Variants in BORCS5 observed in about 807,000 individuals in gnomAD.
BORCS5 encodes BLOC-1 related complex subunit 5, also known as BLOC-1-related complex subunit 5.
In BORCS5, 17 loss-of-function variants were observed where a neutral mutation model predicts 22.1. The ratio of observed to expected loss-of-function variants is 0.77; its 90% CI spans 0.53 to 1.15. The LOEUF is 1.15. Ranked by LOEUF, BORCS5 falls within the 50% of genes most tolerant of loss-of-function variation. The probability of loss-of-function intolerance (pLI) is 0.00; values close to 1 mark genes in which losing one functional copy is unlikely to be tolerated. For missense variants in BORCS5, 247 were observed against 253.2 expected, an observed-to-expected ratio of 0.98 and a Z score of 0.17; for synonymous variants, 117 against 99.8, an observed-to-expected ratio of 1.17 and a Z score of -1.03.
At chr12:12,425,894 A>G (rs971220448) in intron 2 of BORCS5, among the ~76,000 whole-genome samples, 1 of 152,196 alleles carries the variant, frequency 6.6e-6, no homozygotes, top group South Asian at 2.1e-4. Context: ...TTAATTGACT[A>G]CTACAGTTGG....
rs1383911980 is a variant in BORCS5, at chr12:12,402,014, C to T, written c.203-33614C>T. On this transcript the variant is annotated intron_variant, in intron 2 of 3. Coordinates refer to ENST00000314565, the MANE Select transcript of BORCS5 (RefSeq NM_058169.6). ...CCGGGAGGCGGAGCTTGCAGTGAGC[C>T]AAGATGGCGCCACTGCACTTCAGCC... 1.0e-4 allele frequency among the ~76,000 whole-genome samples: 15 copies of T among 143,396 alleles called. No individual in the cohort carries two copies. The East Asian group carries it at 2.9e-3, about 27-fold the overall frequency. The allele number at this position is 143,396 out of a possible 152,430, so 94.1% of individuals were successfully genotyped here. A position where few individuals can be genotyped will look rare whatever the true frequency, so the allele number is the denominator to read the frequency against.
chr12:12,412,153 A>G (rs1367874765), intron 2 of BORCS5, among the ~76,000 whole-genome samples: 1 of 152,186 alleles, frequency 6.6e-6, no homozygotes, highest in East Asian at 1.9e-4. Flanking sequence ...CTATTTCTGA[A>G]AAAAAGTCAC....
At chr12:12,413,609 C>A (rs1014800318) in intron 2 of BORCS5, among the ~76,000 whole-genome samples, 73 of 139,376 alleles carry the variant, frequency 5.2e-4, no homozygotes, top group African/African-American at 1.9e-3. Context: ...ACCTCCCAGA[C>A]GGGTCGTGGC....
rs375524972 is a variant in BORCS5 at position 12,387,589 on chromosome 12, G to A, written c.202+26240G>A. On this transcript the variant is annotated intron_variant, in intron 2 of 3. Transcript: ENST00000314565. ...TGTTAGAGCATGACCCCCAGAATTG[G>A]CATAGTGTTCCAGGTGTGGATTGGA... is the stretch of plus-strand genomic sequence containing the variant. 1.9e-4 allele frequency among the ~76,000 whole-genome samples: 29 copies of A among 151,496 alleles called. 1 individual carries two copies. The East Asian group carries it at 2.1e-3, about 11-fold the overall frequency.
At chr12:12,380,745 A>G (rs1863758128) in intron 2 of BORCS5, among the ~76,000 whole-genome samples, 2 of 151,320 alleles carry the variant, frequency 1.3e-5, no homozygotes, top group Non-Finnish European at 3.0e-5. Flanking sequence ...ATGAGAATTC[A>G]GTATTCTCTT....
intron 3 of BORCS5, among the ~76,000 whole-genome samples, chr12:12,437,772 T>C (rs1342829379): frequency 6.6e-6 from 1 of 151,996 alleles, no homozygotes; most frequent in African/African-American, 2.4e-5. Context: ...ACCTTTTTAA[T>C]TTTTTTAGAA....
intron 2 of BORCS5, among the ~76,000 whole-genome samples, chr12:12,413,937 A>C (rs1377102072): frequency 6.4e-5 from 2 of 31,088 alleles, no homozygotes; most frequent in African/African-American, 2.0e-4. Flanking sequence ...CGGGGGGCTG[A>C]CCCCCCCACC....
chr12:12,395,794 C>T (rs1941325214), intron 2 of BORCS5, among the ~76,000 whole-genome samples: 1 of 151,912 alleles, frequency 6.6e-6, no homozygotes, highest in Admixed American at 6.6e-5. Context: ...GTTGTAGTTT[C>T]CTAGTGATGA....
At chr12:12,445,244 A>C (rs897459834) in intron 3 of BORCS5, among the ~76,000 whole-genome samples, 2 of 151,948 alleles carry the variant, frequency 1.3e-5, no homozygotes, top group African/African-American at 4.8e-5. Context: ...GTCTTGCCAT[A>C]TTGCCCAGGC....
rs1386038535 is a variant in BORCS5 at position 12,468,857 on chromosome 12, C to T, written c.*3081C>T. The T allele has an allele frequency of 6.6e-6, 1 of 152,122 alleles. No homozygotes were observed. The highest frequency in any genetic ancestry group is 1.5e-5 in the Non-Finnish European group (1 of 68,024). The allele number at this position is 152,122 out of a possible 1,614,324, so 9.4% of individuals were successfully genotyped here. On this transcript the variant is annotated 3_prime_UTR_variant, in exon 4 of 4. Transcript: ENST00000314565. Reference sequence around the variant, plus strand: ...GAAACTGGCCTTCATGTCTTTGTTTCCCTCAAAGTTTTATTCTTAGTAACG... The same window carrying T: ...GAAACTGGCCTTCATGTCTTTGTTTTCCTCAAAGTTTTATTCTTAGTAACG...
chr12:12,420,414 T>G (rs1942084274), intron 2 of BORCS5, among the ~76,000 whole-genome samples: 1 of 152,216 alleles, frequency 6.6e-6, no homozygotes, highest in African/African-American at 2.4e-5. Context: ...TATCTCTGTT[T>G]TGGTACCAGT....
At chr12:12,359,925 A>G (rs1863240304) in intron 1 of BORCS5, among the ~76,000 whole-genome samples, 1 of 152,058 alleles carries the variant, frequency 6.6e-6, no homozygotes, top group Non-Finnish European at 1.5e-5. Context: ...TGTACCCTTT[A>G]TTTCTCATTT....
chr12:12,404,623 T>A (rs74541942), intron 2 of BORCS5, among the ~76,000 whole-genome samples: 4,779 of 152,310 alleles, frequency 0.031, 261 homozygotes, highest in African/African-American at 0.11. Context: ...ATAGTATGTT[T>A]CAGAACTCAT....
chr12:12,371,868 T>G (rs113397515), intron 2 of BORCS5, among the ~76,000 whole-genome samples: 48 of 152,242 alleles, frequency 3.2e-4, no homozygotes, highest in African/African-American at 9.1e-4. Context: ...CCATGTTCAG[T>G]GGTCTTTTTT....
Position 12,427,172 on chromosome 12 carries a change from CT to C in BORCS5, c.203-8431del, listed in dbSNP as rs869191667. On this transcript the variant is annotated intron_variant, in intron 2 of 3. Transcript: ENST00000314565. ...TGGTTTTAGACTTTCTCTTTCTTTT[CT>C]TTTTTTTTTTTTTTTTTTTTTTTTG... Among the ~76,000 whole-genome samples the C allele has an allele frequency of 1.6e-3, 136 of 84,456 alleles. No individual in the cohort carries two copies. The East Asian group carries it at 0.021, about 13-fold the overall frequency. 55.4% of individuals were successfully genotyped at this position (84,456 alleles called of 152,430 possible). A position where few individuals can be genotyped will look rare whatever the true frequency, so the allele number is the denominator to read the frequency against.
chr12:12,416,205 C>T lies in BORCS5; in HGVS notation c.203-19423C>T, dbSNP rs145401173. On this transcript the variant is annotated intron_variant, in intron 2 of 3. Coordinates refer to ENST00000314565, the MANE Select transcript of BORCS5 (RefSeq NM_058169.6). ...TCTCGTTTTAGTATTTGAGTTGTCT[C>T]TCTTTTTTCTTAGTTCCTCTACTCT... is the stretch of plus-strand genomic sequence containing the variant. 2.4e-4 allele frequency among the ~76,000 whole-genome samples: 37 copies of T among 152,160 alleles called. 1 individual carries two copies. In the East Asian group the frequency reaches 7.1e-3, roughly 29 times the overall value.
rs926893487 is a variant in BORCS5 at position 12,373,981 on chromosome 12, CTT to C, written c.202+12655_202+12656del. Among the ~76,000 whole-genome samples the C allele has an allele frequency of 6.5e-3, 584 of 89,718 alleles. 2 individuals are homozygous for C. Among genetic ancestry groups the C allele is most frequent in the Middle Eastern group, 0.03 (3 of 100 alleles). The allele number at this position is 89,718 out of a possible 152,430, so 58.9% of individuals were successfully genotyped here. On this transcript the variant is annotated intron_variant, in intron 2 of 3. Coordinates refer to ENST00000314565, the MANE Select transcript of BORCS5 (RefSeq NM_058169.6). The stretch of plus-strand genomic sequence containing the variant: ...AGAAGGCAGGGTTGCAGAGAGTATT[CTT>C]TTTTTTTTTTTTTTTTTTTTTTGAG...
At chr12:12,376,993 C>T (rs941196499) in intron 2 of BORCS5, among the ~76,000 whole-genome samples, 11 of 152,110 alleles carry the variant, frequency 7.2e-5, no homozygotes, top group Admixed American at 2.0e-4. Flanking sequence ...TTCTGTGACA[C>T]GTTAGTAATC....
chr12:12,415,281 C>G (rs1461015958), intron 2 of BORCS5, among the ~76,000 whole-genome samples: 1 of 150,670 alleles, frequency 6.6e-6, no homozygotes, highest in Non-Finnish European at 1.5e-5. Context: ...GTGAACGAGA[C>G]TCCGTCTGCA....
Sources: allele counts gnomAD v4.1 joint callset (sites outside exome capture counted in the v4.1 genomes callset), GRCh38; gene constraint gnomAD v4.1.1; transcripts MANE v1.5; gene names NCBI Gene and HGNC (gene_info 2026-07-23, HGNC 2026-07-21).